The following SGSM2 variants were observed in gnomAD, a reference collection of about 807,000 sequenced individuals.
SGSM2 encodes the protein small G protein signaling modulator 2.
A neutral mutation model predicts 126.6 loss-of-function variants in SGSM2; 89 were observed. The ratio of observed to expected loss-of-function variants is 0.70; its 90% CI spans 0.59 to 0.84. The LOEUF (loss-of-function observed/expected upper bound fraction) is 0.84, where lower values mean the gene tolerates loss of function less well. SGSM2 is among the 40% of genes least tolerant of loss of function. The probability of loss-of-function intolerance (pLI) is 0.00; values close to 1 mark genes in which losing one functional copy is unlikely to be tolerated. For synonymous variants in SGSM2, 614 were observed against 574.3 expected (o/e 1.07, Z -0.99); for missense variants, 1,404 against 1,416.6 (o/e 0.99, Z 0.14).
intron 2 of SGSM2, among the ~76,000 whole-genome samples, chr17:2,346,583 C>T (rs1049801642): frequency 6.6e-6 from 1 of 152,206 alleles, no homozygotes; most frequent in African/African-American, 2.4e-5. Flanking sequence ...TGTGGTTGTT[C>T]CTAAACCTGT....
Position 2,367,094 on chromosome 17 carries a change from CCA to C in SGSM2, c.1289-173_1289-172del, listed in dbSNP as rs1205192390. Reference sequence around the variant, plus strand: ...AGCTGCCCCAGCCCCTCGCCTCCTTCCACACTCTCCCAGGAAAATCATCCAAA... The same window carrying C: ...AGCTGCCCCAGCCCCTCGCCTCCTTCCACTCTCCCAGGAAAATCATCCAAA... On this transcript the variant is annotated intron_variant, in intron 11 of 23. Coordinates refer to ENST00000268989, the MANE Select transcript of SGSM2 (RefSeq NM_014853.3). The surrounding 1 kb of genome is among the most constrained non-coding windows in gnomAD (Gnocchi z 4.0). The C allele has an allele frequency of 1.3e-5, 9 of 707,040 alleles. No individual in the cohort carries two copies. The highest frequency in any genetic ancestry group is 4.1e-4 in the Middle Eastern group (1 of 2,432). 43.8% of individuals were successfully genotyped at this position (707,040 alleles called of 1,614,324 possible). A position where few individuals can be genotyped will look rare whatever the true frequency, so the allele number is the denominator to read the frequency against.
At chr17:2,373,216 C>G (rs929241933) in intron 16 of SGSM2, 115 bp from the exon 17 acceptor site, 3 of 1,539,546 alleles carry the variant, frequency 1.9e-6, no homozygotes, top group Admixed American at 1.8e-5. Flanking sequence ...CGTCCTTACC[C>G]TGAGGCCCGT....
Position 2,379,654 on chromosome 17 carries a change from A to T in SGSM2, c.*134A>T. ...CCTAACAAAGCGGTTGTGAGCCTGG[A>T]TCCGACTCCCGGCAGTGCTGACCCT... On this transcript the variant is annotated 3_prime_UTR_variant, in exon 24 of 24. Transcript: ENST00000268989. 1 of 1,463,640 alleles carries T rather than the reference A, an allele frequency of 6.8e-7. No homozygotes were observed. Among genetic ancestry groups the T allele is most frequent in the South Asian group, 1.4e-5 (1 of 73,686 alleles). 90.7% of individuals were successfully genotyped at this position (1,463,640 alleles called of 1,614,324 possible). A position where few individuals can be genotyped will look rare whatever the true frequency, so the allele number is the denominator to read the frequency against.
intron 2 of SGSM2, among the ~76,000 whole-genome samples, chr17:2,359,904 G>A (rs1031307949): frequency 1.3e-5 from 2 of 152,162 alleles, no homozygotes; most frequent in African/African-American, 4.8e-5. Flanking sequence ...CCTTTCCACA[G>A]GCACGGAATT....
rs1353439714 is a variant in SGSM2 at position 2,362,663 on chromosome 17, G to A, written c.459-175G>A. On this transcript the variant is annotated intron_variant, in intron 4 of 23. Coordinates refer to ENST00000268989, the MANE Select transcript of SGSM2 (RefSeq NM_014853.3). The surrounding 1 kb of genome is among the most constrained non-coding windows in gnomAD (Gnocchi z 4.9). ...CCTCCATCTCCCCGTCCCCTTCGGT[G>A]CCCTCAAGGCATTGGCCATACCAGG... 6.6e-6 allele frequency among the ~76,000 whole-genome samples: 1 copy of A among 152,210 alleles called. No homozygotes were observed. Among genetic ancestry groups the A allele is most frequent in the African/African-American group, 2.4e-5 (1 of 41,454 alleles).
At chr17:2,348,592 C>T (rs967828815) in intron 2 of SGSM2, among the ~76,000 whole-genome samples, 4 of 152,136 alleles carry the variant, frequency 2.6e-5, no homozygotes, top group Admixed American at 1.3e-4. Context: ...GTCACACAGA[C>T]CTGGGTTCAC....
At chr17:2,373,232 G>A in intron 16 of SGSM2, 99 bp from the exon 17 acceptor site, 1 of 1,543,648 alleles carries the variant, frequency 6.5e-7, no homozygotes, top group Non-Finnish European at 8.8e-7. Context: ...CCCGTCTTGA[G>A]TCTGAGACTC....
chr17:2,380,221 G>C lies in SGSM2; in HGVS notation c.*701G>C. The stretch of plus-strand genomic sequence containing the variant: ...TTGTACAGTGTACCTCTGTGTATCT[G>C]TACAGCCTCGCTCCTGCCACCCCAC... On this transcript the variant is annotated 3_prime_UTR_variant, in exon 24 of 24. Coordinates refer to ENST00000268989, the MANE Select transcript of SGSM2 (RefSeq NM_014853.3). 1.1e-5 allele frequency: 17 copies of C among 1,535,716 alleles called. No individual in the cohort carries two copies. The highest frequency in any genetic ancestry group is 1.4e-5 in the Non-Finnish European group (16 of 1,146,654).
chr17:2,360,113 C>T (rs187878114), intron 2 of SGSM2, among the ~76,000 whole-genome samples: 112 of 152,266 alleles, frequency 7.4e-4, no homozygotes, highest in African/African-American at 2.5e-3. Context: ...GAGGCCGAGG[C>T]GGGCGGATCA....
At chr17:2,365,956 G>C (rs2065559357) in intron 11 of SGSM2, among the ~76,000 whole-genome samples, 1 of 152,028 alleles carries the variant, frequency 6.6e-6, no homozygotes, top group Non-Finnish European at 1.5e-5. Context: ...ATATTGGCCA[G>C]GCTGGTCTCA....
chr17:2,373,728 A>G (rs1423010744), intron 17 of SGSM2: 6 of 569,204 alleles, frequency 1.1e-5, no homozygotes, highest in African/African-American at 1.9e-5. Flanking sequence ...GAGAGAGTGC[A>G]TTGTGCTCAG....
rs372838088 is a variant in SGSM2 at position 2,372,736 on chromosome 17, G to A, written c.1789-217G>A. 51 of 796,028 alleles carry A rather than the reference G, an allele frequency of 6.4e-5. 1 individual carries two copies. Among genetic ancestry groups the A allele is most frequent in the Non-Finnish European group, 8.0e-5 (41 of 509,952 alleles). The allele number at this position is 796,028 out of a possible 1,614,324, so 49.3% of individuals were successfully genotyped here. Reference sequence around the variant, plus strand: ...GACAAAGCTTTGCCTCTCTCCGGGCGCCATTTCCTGCCCCTTAAGGAAGGA... The same window carrying A: ...GACAAAGCTTTGCCTCTCTCCGGGCACCATTTCCTGCCCCTTAAGGAAGGA... On this transcript the variant is annotated intron_variant, in intron 15 of 23. Transcript: ENST00000268989. This position sits in a 1 kb window ranked among gnomAD's most constrained non-coding sequence, Gnocchi z 6.0.
intron 2 of SGSM2, among the ~76,000 whole-genome samples, chr17:2,360,362 A>C (rs2151552864): frequency 6.6e-6 from 1 of 152,232 alleles, no homozygotes; most frequent in Non-Finnish European, 1.5e-5. Context: ...TAAAAATAAA[A>C]AAACCTTGAC....
intron 2 of SGSM2, among the ~76,000 whole-genome samples, chr17:2,359,314 C>T (rs2065216382): frequency 1.3e-5 from 2 of 152,206 alleles, no homozygotes; most frequent in Non-Finnish European, 2.9e-5. Flanking sequence ...CGTGCACACT[C>T]TCGGTGGGGA....
At chr17:2,345,312 AT>A (rs1428975383) in intron 2 of SGSM2, among the ~76,000 whole-genome samples, 2 of 151,728 alleles carry the variant, frequency 1.3e-5, no homozygotes, top group Admixed American at 6.6e-5. Flanking sequence ...AAATACAAAA[AT>A]TAGCAGGGCG....
At position 2,377,135 on chromosome 17, in the gene SGSM2, C is replaced by T; in HGVS notation, c.2802+67C>T. The T allele has an allele frequency of 3.2e-6, 3 of 932,854 alleles. No homozygotes were observed. In the South Asian group the frequency reaches 4.6e-5, roughly 14 times the overall value. 57.8% of individuals were successfully genotyped at this position (932,854 alleles called of 1,614,324 possible). A position where few individuals can be genotyped will look rare whatever the true frequency, so the allele number is the denominator to read the frequency against. The stretch of plus-strand genomic sequence containing the variant: ...CTGGGCTGGTCCATCGTCCACATGG[C>T]TAGGGAGCATTCCACAAACATACTT... On this transcript the variant is annotated intron_variant, in intron 21 of 23. Coordinates refer to ENST00000268989, the MANE Select transcript of SGSM2 (RefSeq NM_014853.3).
intron 1 of SGSM2, among the ~76,000 whole-genome samples, chr17:2,341,592 C>G (rs936655656): frequency 3.3e-5 from 5 of 152,170 alleles, no homozygotes; most frequent in African/African-American, 4.8e-5. Flanking sequence ...ACATTACATT[C>G]CTGTCTAAAG....
chr17:2,338,215 C>T lies in SGSM2; in HGVS notation c.57+470C>T, dbSNP rs529702276. Among the ~76,000 whole-genome samples, 250 of 152,308 alleles carry T rather than the reference C, an allele frequency of 1.6e-3. 1 individual carries two copies. Among genetic ancestry groups the T allele is most frequent in the Non-Finnish European group, 2.9e-3 (195 of 68,016 alleles). On this transcript the variant is annotated intron_variant, in intron 1 of 23. Transcript: ENST00000268989. ...CCCCCTTGTCCGACGTCCGCTGTGC[C>T]TCCAGCTACGGAGTGATCGCTGCCG...
chr17:2,341,809 A>G (rs2064381589), intron 1 of SGSM2, among the ~76,000 whole-genome samples: 2 of 152,194 alleles, frequency 1.3e-5, no homozygotes, highest in East Asian at 1.9e-4. Flanking sequence ...ATTTGGCAAT[A>G]TCTAATAAAG....
Sources: gnomAD v4.1 joint callset for allele counts (sites outside exome capture counted in the v4.1 genomes callset) on GRCh38, gnomAD v4.1.1 for gene constraint, Gnocchi (gnomAD v3.1) non-coding constraint, MANE v1.5 for transcripts, NCBI Gene and HGNC (gene_info 2026-07-23, HGNC 2026-07-21) for gene names.